DLST: variants seen among roughly 807,000 people sequenced by gnomAD.
DLST encodes dihydrolipoamide S-succinyltransferase, also known as dihydrolipoyllysine-residue succinyltransferase component of 2-oxoglutarate dehydrogenase complex, mitochondrial.
In DLST, 17 loss-of-function variants were observed where a neutral mutation model predicts 53.1. That is an observed-to-expected ratio of 0.32 (90% CI 0.22 to 0.48). The LOEUF (loss-of-function observed/expected upper bound fraction) is 0.48, where lower values mean the gene tolerates loss of function less well. Among genes scored for constraint, DLST ranks in the 20% least tolerant of loss-of-function variants. The pLI is 0.99. For missense variants in DLST, 512 were observed against 583.9 expected (o/e 0.88, Z 1.27); for synonymous variants, 206 against 204.8 (o/e 1.01, Z -0.05).
At position 74,892,970 on chromosome 14, in the gene DLST, T is replaced by G; in HGVS notation, c.579T>G (p.Pro193=). Residue 193 remains proline, a synonymous_variant, in exon 8 of 15, where the codon CCT becomes CCG. Transcript: ENST00000334220. ...QMPPVPSPSQ[P]PSGKPVSAVK... ...CACCGGTGCCCTCGCCCTCACAGCC[T>G]CCTTCTGGCAAACCTGGTAGGCTTC... is the stretch of plus-strand genomic sequence containing the variant. 5 of 1,611,368 alleles carry G rather than the reference T, an allele frequency of 3.1e-6. No homozygotes were observed. The highest frequency in any genetic ancestry group is 4.2e-6 in the Non-Finnish European group (5 of 1,179,206).
intron 2 of DLST, among the ~76,000 whole-genome samples, chr14:74,884,770 G>T (rs1883646454): frequency 6.6e-6 from 1 of 152,172 alleles, no homozygotes; most frequent in African/African-American, 2.4e-5. Flanking sequence ...TGGGATGCTT[G>T]TGAGGAGGTG....
At chr14:74,889,052 T>A in intron 3 of DLST, 43 bp from the exon 4 acceptor site, 1 of 1,547,822 alleles carries the variant, frequency 6.5e-7, no homozygotes, top group Non-Finnish European at 8.6e-7. Context: ...AAAATGTGAG[T>A]GGTTCGCCTG....
At chr14:74,899,157 A>G (rs1467965569) in intron 11 of DLST, among the ~76,000 whole-genome samples, 1 of 152,074 alleles carries the variant, frequency 6.6e-6, no homozygotes, top group East Asian at 1.9e-4. Flanking sequence ...AGGGAGGTAG[A>G]AGGCCATCTT....
At chr14:74,897,939 T>G (rs993136610) in intron 10 of DLST, among the ~76,000 whole-genome samples, 41 of 102,678 alleles carry the variant, frequency 4.0e-4, no homozygotes, top group South Asian at 1.3e-3. Flanking sequence ...TTTGGTGGGG[T>G]TTTTTTTTTT....
At chr14:74,894,196 A>T in intron 9 of DLST, 116 bp from the exon 10 acceptor site, 1 of 1,196,352 alleles carries the variant, frequency 8.4e-7, no homozygotes, top group Non-Finnish European at 1.2e-6. Flanking sequence ...TCGTGTACTT[A>T]GATACTGTAG....
At chr14:74,900,066 CAA>C in intron 12 of DLST, 70 bp downstream of exon 12, 1 of 1,292,014 alleles carries the variant, frequency 7.7e-7, no homozygotes, top group Non-Finnish European at 1.1e-6. Flanking sequence ...GGAGATCACA[CAA>C]GAGAAATCAT....
In DLST at chr14:74,900,926, A is replaced by G. The variant is rs113653669; in HGVS notation, c.1060-140A>G. 41 of 809,498 alleles carry G rather than the reference A, an allele frequency of 5.1e-5. No individual in the cohort carries two copies. In the East Asian group the frequency reaches 7.1e-4, roughly 14 times the overall value. 50.1% of individuals were successfully genotyped at this position (809,498 alleles called of 1,614,324 possible). A position where few individuals can be genotyped will look rare whatever the true frequency, so the allele number is the denominator to read the frequency against. ...TTTTTATACAGATGGGGGTCTCACTATGTTGCCCAGGTTGGCCTTGAACTC... is the reference window on the plus strand; with the variant it reads ...TTTTTATACAGATGGGGGTCTCACTGTGTTGCCCAGGTTGGCCTTGAACTC... On this transcript the variant is annotated intron_variant, in intron 13 of 14. Transcript: ENST00000334220.
intron 3 of DLST, among the ~76,000 whole-genome samples, chr14:74,887,111 A>G (rs1446720150): frequency 6.6e-6 from 1 of 152,156 alleles, no homozygotes; most frequent in Non-Finnish European, 1.5e-5. Context: ...TATTTATCTC[A>G]GATTTAATAT....
At position 74,902,455 on chromosome 14, in the gene DLST, A is replaced by G; in HGVS notation, c.*125A>G. The G allele has an allele frequency of 8.0e-7, 1 of 1,253,982 alleles. No homozygotes were observed. The highest frequency in any genetic ancestry group is 1.1e-6 in the Non-Finnish European group (1 of 921,152). 77.7% of individuals were successfully genotyped at this position (1,253,982 alleles called of 1,614,324 possible). A position where few individuals can be genotyped will look rare whatever the true frequency, so the allele number is the denominator to read the frequency against. ...CACATGCTGTTGGCCTCAAGCAAGGAAGCAGAGCACTGTGTAACCAGCAGT... is the reference window on the plus strand; with the variant it reads ...CACATGCTGTTGGCCTCAAGCAAGGGAGCAGAGCACTGTGTAACCAGCAGT... On this transcript the variant is annotated 3_prime_UTR_variant, in exon 15 of 15. Transcript: ENST00000334220.
intron 10 of DLST, among the ~76,000 whole-genome samples, chr14:74,895,453 G>A (rs1397228325): frequency 6.6e-6 from 1 of 152,208 alleles, no homozygotes; most frequent in African/African-American, 2.4e-5. Context: ...GTACTGTACT[G>A]TGGAATTCAG....
At chr14:74,900,113 A>C in intron 12 of DLST, 117 bp downstream of exon 12, 1 of 1,129,896 alleles carries the variant, frequency 8.9e-7, no homozygotes, top group South Asian at 1.4e-5. Flanking sequence ...GGGAGTTAGT[A>C]AAAGTAACCT....
chr14:74,891,938 TAGCAC>T, intron 7 of DLST: 1 of 791,576 alleles, frequency 1.3e-6, no homozygotes, highest in Non-Finnish European at 1.5e-6. Flanking sequence ...AAGTTTGTCT[TAGCAC>T]TAACCCTGGA....
At position 74,903,163 on chromosome 14, in the gene DLST, T is replaced by C. The variant is rs1041988326; in HGVS notation, c.*833T>C. ...TCTTAGAGCAGATTCTAGCACATCA[T>C]GGCAGTGGGACCAAGCGTGGTCCCG... On this transcript the variant is annotated 3_prime_UTR_variant, in exon 15 of 15. Transcript: ENST00000334220. 2 of 152,744 alleles carry C rather than the reference T, an allele frequency of 1.3e-5. No individual in the cohort carries two copies. Among genetic ancestry groups the C allele is most frequent in the African/African-American group, 4.8e-5 (2 of 41,442 alleles). The allele number at this position is 152,744 out of a possible 1,614,324, so 9.5% of individuals were successfully genotyped here.
Position 74,889,900 on chromosome 14 carries a change from T to G in DLST, c.278T>G (p.Val93Gly), listed in dbSNP as rs1217466835. The change falls in exon 6 of 15, where the codon GTT becomes GGT. Residue 93 changes from valine to glycine, a missense_variant. This residue lies in a region of DLST where 35 missense variants were observed against 70.5 expected (regional missense o/e 0.50). Coordinates refer to ENST00000334220, the MANE Select transcript of DLST (RefSeq NM_001933.5). ...TAGCCTTTGATTGTCTTTTCAGCTG[T>G]TGGAGACACAGTTGCAGAAGATGAA... is the stretch of plus-strand genomic sequence containing the variant. ...TEGDVRWEKA[V>G]GDTVAEDEVV... 3.7e-6 allele frequency: 6 copies of G among 1,613,904 alleles called. No individual in the cohort carries two copies. Among genetic ancestry groups the G allele is most frequent in the Non-Finnish European group, 4.2e-6 (5 of 1,179,956 alleles).
At chr14:74,897,857 C>T (rs750392589) in intron 10 of DLST, among the ~76,000 whole-genome samples, 3 of 151,956 alleles carry the variant, frequency 2.0e-5, no homozygotes, top group Non-Finnish European at 4.4e-5. Context: ...GCCTCATGTA[C>T]CCATGAGCTG....
intron 11 of DLST, among the ~76,000 whole-genome samples, chr14:74,899,494 C>G (rs1352369911): frequency 2.0e-5 from 3 of 152,074 alleles, no homozygotes; most frequent in Admixed American, 1.3e-4. Context: ...CCCTCTTCCT[C>G]TTGTTGAGAG....
chr14:74,896,807 C>T (rs1219041812), intron 10 of DLST, among the ~76,000 whole-genome samples: 1 of 152,204 alleles, frequency 6.6e-6, no homozygotes, highest in Admixed American at 6.5e-5. Context: ...ATTTGTGGCC[C>T]TGAAAGATGC....
intron 7 of DLST, 150 bp from the exon 8 acceptor site, chr14:74,892,684 T>C (rs561657156): frequency 2.8e-4 from 209 of 742,252 alleles, no homozygotes; most frequent in Non-Finnish European, 4.3e-4. Flanking sequence ...CCTTATGTCA[T>C]TGTGTGTGTG....
intron 2 of DLST, 75 bp downstream of exon 2, chr14:74,882,699 C>T (rs1046875444): frequency 2.1e-5 from 28 of 1,354,674 alleles, no homozygotes; most frequent in African/African-American, 2.9e-5. Context: ...TCGGGGGTGC[C>T]TGTGTTTCTC....
Sources: allele counts gnomAD v4.1 joint callset (sites outside exome capture counted in the v4.1 genomes callset), GRCh38; gene constraint gnomAD v4.1.1; regional missense constraint gnomAD v4.1.1; transcripts MANE v1.5; gene names NCBI Gene and HGNC (gene_info 2026-07-23, HGNC 2026-07-21).